The following ADAMTS12 variants were observed in gnomAD, a reference collection of about 807,000 sequenced individuals.
ADAMTS12 encodes the protein A disintegrin and metalloproteinase with thrombospondin motifs 12.
Under a neutral mutation model 167.8 loss-of-function variants are expected in ADAMTS12, and 118 were observed. The observed-to-expected ratio is 0.70, with a 90% CI of 0.61 to 0.82. ADAMTS12 has a LOEUF of 0.82. Ranked by LOEUF, ADAMTS12 falls within the 40% of genes least tolerant of loss-of-function variation. The pLI is 0.00. For missense variants in ADAMTS12, 1,916 were observed against 1,998.8 expected (o/e 0.96, Z 0.79); for synonymous variants, 704 against 716.9 (o/e 0.98, Z 0.29).
In ADAMTS12 at chr5:33,630,972, C is replaced by T. The variant is rs1739900899; in HGVS notation, c.1889-59G>A. On this transcript the variant is annotated intron_variant, in intron 12 of 23. Coordinates refer to ENST00000504830, the MANE Select transcript of ADAMTS12 (RefSeq NM_030955.4). ...TTAGCTTTTAGCTCAGCATCCTCCC[C>T]CAGGATTCCTCCGTACTTAGGACCC... 50 of 1,592,968 alleles carry T rather than the reference C, an allele frequency of 3.1e-5. No individual in the cohort carries two copies. In the South Asian group the frequency reaches 4.6e-4, roughly 15 times the overall value.
chr5:33,608,708 G>A (rs1283976711), intron 16 of ADAMTS12, among the ~76,000 whole-genome samples: 5 of 152,196 alleles, frequency 3.3e-5, no homozygotes, highest in Non-Finnish European at 5.9e-5. Context: ...TGAATGGTAA[G>A]TGACCATGGA....
chr5:33,767,981 A>G (rs920936679), intron 2 of ADAMTS12, among the ~76,000 whole-genome samples: 5 of 152,238 alleles, frequency 3.3e-5, no homozygotes, highest in Admixed American at 1.3e-4. Context: ...GTACAGGGTG[A>G]GAGATGATCA....
intron 19 of ADAMTS12, among the ~76,000 whole-genome samples, chr5:33,572,377 G>A (rs1366909835): frequency 6.6e-6 from 1 of 152,050 alleles, no homozygotes; most frequent in African/African-American, 2.4e-5. Flanking sequence ...GAATCCAGCA[G>A]CATATCAAAA....
chr5:33,743,231 T>C (rs1254171630), intron 3 of ADAMTS12, among the ~76,000 whole-genome samples: 1 of 152,068 alleles, frequency 6.6e-6, no homozygotes, highest in Non-Finnish European at 1.5e-5. Flanking sequence ...AGAATGCAGA[T>C]TGAGCTCAAG....
At chr5:33,770,424 A>T (rs938382578) in intron 2 of ADAMTS12, among the ~76,000 whole-genome samples, 1 of 152,144 alleles carries the variant, frequency 6.6e-6, no homozygotes, top group African/African-American at 2.4e-5. Flanking sequence ...CCCGTGATTC[A>T]GCTCCTCCGA....
At chr5:33,705,792 G>C (rs1025299523) in intron 3 of ADAMTS12, among the ~76,000 whole-genome samples, 7 of 152,012 alleles carry the variant, frequency 4.6e-5, no homozygotes, top group Non-Finnish European at 8.8e-5. Context: ...CTGGGCAACA[G>C]AGCAAGACTC....
chr5:33,601,106 A>ACTGT (rs1738164791), intron 16 of ADAMTS12, among the ~76,000 whole-genome samples: 2 of 145,820 alleles, frequency 1.4e-5, no homozygotes. Context: ...CACATTTAAG[A>ACTGT]GTGTGTGTGT....
chr5:33,596,342 C>T (rs890673587), intron 16 of ADAMTS12, among the ~76,000 whole-genome samples: 8 of 152,052 alleles, frequency 5.3e-5, no homozygotes, highest in Admixed American at 3.9e-4. Context: ...GCCATGGAGA[C>T]GAGACTAACA....
chr5:33,626,569 T>C (rs1739625826), intron 13 of ADAMTS12, among the ~76,000 whole-genome samples: 1 of 148,186 alleles, frequency 6.7e-6, no homozygotes, highest in African/African-American at 2.5e-5. Flanking sequence ...GGTGGTGATG[T>C]GATGGTGGTG....
chr5:33,600,027 A>G (rs1441619474), intron 16 of ADAMTS12, among the ~76,000 whole-genome samples: 1 of 152,218 alleles, frequency 6.6e-6, no homozygotes, highest in Admixed American at 6.5e-5. Flanking sequence ...TACTAAATAT[A>G]GTCCCAAAAG....
intron 5 of ADAMTS12, among the ~76,000 whole-genome samples, chr5:33,668,136 C>T (rs1207648450): frequency 6.6e-6 from 1 of 152,138 alleles, no homozygotes; most frequent in Non-Finnish European, 1.5e-5. Flanking sequence ...GCAATGAATA[C>T]ACCTAACCTA....
chr5:33,666,661 T>C (rs1741481901), intron 5 of ADAMTS12, among the ~76,000 whole-genome samples: 1 of 152,044 alleles, frequency 6.6e-6, no homozygotes, highest in South Asian at 2.1e-4. Flanking sequence ...ACCAGCTAAT[T>C]TTTGTATACT....
rs889685404 is a variant in ADAMTS12 at position 33,685,350 on chromosome 5, G to A, written c.635-1295C>T. ...ACCTGCCTCTCTGTCATTCCTCCTCGTTAGCTCTGGTCCTGTTCTCTGAAG... is the reference window on the plus strand; with the variant it reads ...ACCTGCCTCTCTGTCATTCCTCCTCATTAGCTCTGGTCCTGTTCTCTGAAG... On this transcript the variant is annotated intron_variant, in intron 3 of 23. Transcript: ENST00000504830. 1.1e-4 allele frequency among the ~76,000 whole-genome samples: 16 copies of A among 152,286 alleles called. 1 individual carries two copies. The highest frequency in any genetic ancestry group is 3.9e-4 in the Admixed American group (6 of 15,304).
At chr5:33,835,910 T>C (rs1748490488) in intron 2 of ADAMTS12, among the ~76,000 whole-genome samples, 2 of 35,262 alleles carry the variant, frequency 5.7e-5, no homozygotes, top group African/African-American at 1.9e-4. Flanking sequence ...AATATCCATC[T>C]CTCTCTCTCT....
At chr5:33,640,533 C>T (rs545243149) in intron 11 of ADAMTS12, among the ~76,000 whole-genome samples, 152 of 152,208 alleles carry the variant, frequency 1.0e-3, no homozygotes, top group African/African-American at 3.3e-3. Context: ...TGGAAACAAA[C>T]GATTAAATGA....
At position 33,676,707 on chromosome 5, in the gene ADAMTS12, C is replaced by CACACACACAGAGAGAG. The variant is rs879440613; in HGVS notation, c.915+6310_915+6311insCTCTCTCTGTGTGTGT. Among the ~76,000 whole-genome samples the CACACACACAGAGAGAG allele has an allele frequency of 1.7e-3, 253 of 149,110 alleles. 1 individual carries two copies. Among genetic ancestry groups the CACACACACAGAGAGAG allele is most frequent in the African/African-American group, 6.0e-3 (238 of 39,954 alleles). On this transcript the variant is annotated intron_variant, in intron 5 of 23. Coordinates refer to ENST00000504830, the MANE Select transcript of ADAMTS12 (RefSeq NM_030955.4). Reference sequence around the variant, plus strand: ...TTACACACACACACACACACACACACAGAGAGAGAGAGAGAGAGAGAGAAT... The same window carrying CACACACACAGAGAGAG: ...TTACACACACACACACACACACACACACACACACAGAGAGAGAGAGAGAGAGAGAGAGAGAGAGAAT...
chr5:33,856,816 T>A (rs1040998365), intron 2 of ADAMTS12, among the ~76,000 whole-genome samples: 4 of 152,158 alleles, frequency 2.6e-5, no homozygotes, highest in Admixed American at 2.6e-4. Flanking sequence ...TGTAGATTGG[T>A]ACAGCCATTA....
intron 17 of ADAMTS12, among the ~76,000 whole-genome samples, chr5:33,592,579 A>G (rs1164575361): frequency 1.3e-5 from 2 of 152,194 alleles, no homozygotes; most frequent in African/African-American, 2.4e-5. Flanking sequence ...TTCTTTCTTG[A>G]CAGCCTACCC....
Position 33,523,877 on chromosome 5 carries a change from G to A in ADAMTS12, c.*3311C>T, listed in dbSNP as rs1404366365. On this transcript the variant is annotated 3_prime_UTR_variant, in exon 24 of 24. Transcript: ENST00000504830. ...ATGTCATGTGGCCTCTCCTTCAAAA[G>A]TGAATCACTGTGGACCAAGCACCAG... is the stretch of plus-strand genomic sequence containing the variant. 2 of 152,196 alleles carry A rather than the reference G, an allele frequency of 1.3e-5. No individual in the cohort carries two copies. Among genetic ancestry groups the A allele is most frequent in the Non-Finnish European group, 2.9e-5 (2 of 68,046 alleles). 9.4% of individuals were successfully genotyped at this position (152,196 alleles called of 1,614,324 possible).
Sources: allele counts gnomAD v4.1 joint callset (sites outside exome capture counted in the v4.1 genomes callset), GRCh38; gene constraint gnomAD v4.1.1; transcripts MANE v1.5; gene names NCBI Gene and HGNC (gene_info 2026-07-23, HGNC 2026-07-21).